Variants in FGF12 observed in about 807,000 individuals in gnomAD.
FGF12 encodes the protein fibroblast growth factor 12B.
A neutral mutation model predicts 23.6 loss-of-function variants in FGF12; 14 were observed. The observed-to-expected ratio is 0.59, with a 90% CI of 0.39 to 0.93. The LOEUF is 0.93. Among genes scored for constraint, FGF12 ranks in the 40% least tolerant of loss-of-function variants. The pLI, the probability that FGF12 is intolerant of heterozygous loss-of-function variation, is 0.00. For missense variants in FGF12, 175 were observed against 217.8 expected, an observed-to-expected ratio of 0.80 and a Z score of 1.24; for synonymous variants, 62 against 77.3, an observed-to-expected ratio of 0.80 and a Z score of 1.04.
intron 2 of FGF12, among the ~76,000 whole-genome samples, chr3:192,499,838 G>A (rs1000276143): frequency 2.4e-4 from 37 of 151,928 alleles, no homozygotes; most frequent in East Asian, 3.9e-4. Flanking sequence ...GTGAGCCACC[G>A]TGCCCGGCCT....
intron 2 of FGF12, among the ~76,000 whole-genome samples, chr3:192,659,410 T>C (rs1442630576): frequency 6.6e-6 from 1 of 152,180 alleles, no homozygotes; most frequent in Non-Finnish European, 1.5e-5. Context: ...AGCTGATGTG[T>C]ATATACAGGG....
chr3:192,550,833 C>A (rs1711511271), intron 2 of FGF12, among the ~76,000 whole-genome samples: 1 of 152,106 alleles, frequency 6.6e-6, no homozygotes, highest in Non-Finnish European at 1.5e-5. Context: ...TTTAAAAATA[C>A]TTTAAAATAC....
rs1432813824 is a variant in FGF12, at chr3:192,482,640, C to CA, written c.14-122103dup. ...CAAAACGGGATTCCGTCTCAAAAAA[C>CA]AAAAAACAAAAAAAGAACAGCATGG... On this transcript the variant is annotated intron_variant, in intron 2 of 5. Transcript: ENST00000445105. 2.6e-5 allele frequency among the ~76,000 whole-genome samples: 4 copies of CA among 151,738 alleles called. No individual in the cohort carries two copies. The East Asian group carries it at 5.8e-4, about 22-fold the overall frequency.
intron 2 of FGF12, among the ~76,000 whole-genome samples, chr3:192,714,512 A>ATTTTT (rs1411404676): frequency 8.1e-6 from 1 of 124,182 alleles, no homozygotes; most frequent in African/African-American, 3.5e-5. Context: ...TTAAGGAAAT[A>ATTTTT]ATTTTTTTTT....
intron 3 of FGF12, among the ~76,000 whole-genome samples, chr3:192,352,456 T>C (rs1265819517): frequency 6.6e-6 from 1 of 152,240 alleles, no homozygotes; most frequent in Admixed American, 6.5e-5. Context: ...AGTTCTCAGA[T>C]ACATAGATGC....
In FGF12 at chr3:192,612,227, C is replaced by A. The variant is rs1287269601; in HGVS notation, c.13+114954G>T. Among the ~76,000 whole-genome samples the A allele has an allele frequency of 2.6e-5, 4 of 151,934 alleles. No homozygotes were observed. The East Asian group carries it at 7.7e-4, about 29-fold the overall frequency. ...AGTATCCTCTGCTTTCCTTCTATGA[C>A]CCTGGACTTTGGGTGCTCCTATCTA... On this transcript the variant is annotated intron_variant, in intron 2 of 5. Coordinates refer to ENST00000445105, the MANE Select transcript of FGF12 (RefSeq NM_004113.6).
intron 4 of FGF12, among the ~76,000 whole-genome samples, chr3:192,196,574 G>A (rs1165131835): frequency 6.6e-6 from 1 of 152,014 alleles, no homozygotes; most frequent in Non-Finnish European, 1.5e-5. Flanking sequence ...TCCCATCTAT[G>A]CCATAAAGCT....
At chr3:192,200,858 ATT>A (rs1717330852) in intron 4 of FGF12, among the ~76,000 whole-genome samples, 1 of 152,138 alleles carries the variant, frequency 6.6e-6, no homozygotes, top group Non-Finnish European at 1.5e-5. Context: ...TTGTCAGAAG[ATT>A]AGTAATAGGC....
intron 2 of FGF12, among the ~76,000 whole-genome samples, chr3:192,585,675 C>A (rs1225468905): frequency 6.6e-6 from 1 of 152,062 alleles, no homozygotes; most frequent in African/African-American, 2.4e-5. Context: ...CCTTATCTTG[C>A]CATCCATGAA....
intron 2 of FGF12, among the ~76,000 whole-genome samples, chr3:192,543,360 C>G (rs968410675): frequency 1.3e-5 from 2 of 152,078 alleles, no homozygotes. Flanking sequence ...CTTCAGTCAG[C>G]ATGTTGGTGA....
intron 2 of FGF12, among the ~76,000 whole-genome samples, chr3:192,488,084 C>T (rs1723690844): frequency 6.6e-6 from 1 of 152,100 alleles, no homozygotes; most frequent in Non-Finnish European, 1.5e-5. Context: ...CTCCAAACAA[C>T]ACCAGTTACT....
chr3:192,602,118 T>C (rs535827643), intron 2 of FGF12, among the ~76,000 whole-genome samples: 4 of 152,210 alleles, frequency 2.6e-5, no homozygotes, highest in African/African-American at 7.2e-5. Flanking sequence ...TAATGATGTG[T>C]CAATGTAGGT....
intron 2 of FGF12, among the ~76,000 whole-genome samples, chr3:192,649,347 G>C (rs1288677687): frequency 6.6e-6 from 1 of 152,082 alleles, no homozygotes; most frequent in African/African-American, 2.4e-5. Flanking sequence ...GAAAGAGCTA[G>C]GCCCTCCCAA....
At chr3:192,499,830 G>A (rs1195324624) in intron 2 of FGF12, among the ~76,000 whole-genome samples, 1 of 151,846 alleles carries the variant, frequency 6.6e-6, no homozygotes, top group Non-Finnish European at 1.5e-5. Context: ...TTACAGGTGT[G>A]AGCCACCGTG....
chr3:192,161,189 C>T (rs975604932), intron 5 of FGF12, among the ~76,000 whole-genome samples: 1 of 152,004 alleles, frequency 6.6e-6, no homozygotes, highest in Non-Finnish European at 1.5e-5. Flanking sequence ...CTAACCACCA[C>T]CACCAACAGC....
chr3:192,465,814 A>G (rs1232121535), intron 2 of FGF12, among the ~76,000 whole-genome samples: 2 of 152,148 alleles, frequency 1.3e-5, no homozygotes, highest in Non-Finnish European at 2.9e-5. Flanking sequence ...GCTGCTGAAG[A>G]AAAGAGCACC....
In FGF12 at chr3:192,632,575, TA is replaced by T. The variant is rs545158292; in HGVS notation, c.13+94605del. Among the ~76,000 whole-genome samples the T allele has an allele frequency of 1.8e-4, 28 of 152,368 alleles. No homozygotes were observed. In the South Asian group the frequency reaches 5.2e-3, roughly 28 times the overall value. ...CAGTTAATGCTCAGTAATGGTTAGA[TA>T]TATTTCCCAACACTAGAAAATGGAG... On this transcript the variant is annotated intron_variant, in intron 2 of 5. Coordinates refer to ENST00000445105, the MANE Select transcript of FGF12 (RefSeq NM_004113.6).
chr3:192,435,322 C>T (rs1268144559), intron 2 of FGF12, among the ~76,000 whole-genome samples: 1 of 152,030 alleles, frequency 6.6e-6, no homozygotes, highest in Non-Finnish European at 1.5e-5. Flanking sequence ...TTTGTAATTA[C>T]TGCTAAAGGA....
chr3:192,456,745 A>T (rs1239010712), intron 2 of FGF12, among the ~76,000 whole-genome samples: 1 of 152,124 alleles, frequency 6.6e-6, no homozygotes, highest in Non-Finnish European at 1.5e-5. Context: ...AGCTATATAG[A>T]TGTTTAGTAA....
Sources: allele counts gnomAD v4.1 joint callset (sites outside exome capture counted in the v4.1 genomes callset), GRCh38; gene constraint gnomAD v4.1.1; transcripts MANE v1.5; gene names NCBI Gene and HGNC (gene_info 2026-07-23, HGNC 2026-07-21).